The following SEMA6A variants were observed in gnomAD, a reference collection of about 807,000 sequenced individuals.
SEMA6A encodes the protein semaphorin 6A.
Under a neutral mutation model 96.8 loss-of-function variants are expected in SEMA6A, and 25 were observed. That is an observed-to-expected ratio of 0.26 (90% CI 0.19 to 0.36). The LOEUF (loss-of-function observed/expected upper bound fraction) is 0.36, where lower values mean the gene tolerates loss of function less well. Ranked by LOEUF, SEMA6A falls within the 10% of genes least tolerant of loss-of-function variation. The pLI is 1.00. For missense variants in SEMA6A, 1,363 were observed against 1,323.1 expected (o/e 1.03, Z -0.47); for synonymous variants, 612 against 518.0 (o/e 1.18, Z -2.46).
At chr5:116,495,738 TGTTTA>T in intron 5 of SEMA6A, 2 of 471,140 alleles carry the variant, frequency 4.2e-6, no homozygotes, top group Non-Finnish European at 7.5e-6. Flanking sequence ...GAAGATTGTG[TGTTTA>T]TTTTATGTCA....
At chr5:116,487,671 C>A (rs1204656048) in intron 9 of SEMA6A, among the ~76,000 whole-genome samples, 2 of 151,996 alleles carry the variant, frequency 1.3e-5, no homozygotes, top group Non-Finnish European at 2.9e-5. Flanking sequence ...TCGAGACCAC[C>A]CTGCCAACAT....
chr5:116,478,085 C>G lies in SEMA6A; in HGVS notation c.1497G>C (p.Leu499=), dbSNP rs771745119. 6.2e-7 allele frequency: 1 copy of G among 1,613,984 alleles called. No homozygotes were observed. Among genetic ancestry groups the G allele is most frequent in the Non-Finnish European group, 8.5e-7 (1 of 1,179,872 alleles). ...GMQLDRASSS[L]YVAFSTCVIK... Reference sequence around the variant, plus strand: ...TCACACAGGTAGAGAACGCAACATACAGAGAGCTGCTTGCTCTGTCCAGCT... The same window carrying G: ...TCACACAGGTAGAGAACGCAACATAGAGAGAGCTGCTTGCTCTGTCCAGCT... The change falls in exon 14 of 19, where the codon CTG becomes CTC. Residue 499 remains leucine (L), a synonymous_variant. Transcript: ENST00000343348.
chr5:116,478,163 A>G lies in SEMA6A; in HGVS notation c.1428-9T>C, dbSNP rs1756559677. 6.2e-7 allele frequency: 1 copy of G among 1,613,426 alleles called. No homozygotes were observed. The highest frequency in any genetic ancestry group is 1.3e-5 in the African/African-American group (1 of 75,002). ...CTCCATCATAGCTGCATCTAATTTC[A>G]TCAGGCAAGATAATATCATTAATAG... On this transcript the variant is annotated splice_polypyrimidine_tract_variant and intron_variant, in intron 13 of 18. Transcript: ENST00000343348.
intron 1 of SEMA6A, among the ~76,000 whole-genome samples, chr5:116,522,439 C>T (rs1196884126): frequency 2.0e-5 from 3 of 152,154 alleles, no homozygotes; most frequent in Admixed American, 6.5e-5. Context: ...ATACAGGATG[C>T]GGGTGAGGGA....
chr5:116,529,971 T>G (rs1409016713), intron 1 of SEMA6A, among the ~76,000 whole-genome samples: 2 of 152,230 alleles, frequency 1.3e-5, no homozygotes, highest in East Asian at 3.9e-4. Flanking sequence ...CAAGCCTGCA[T>G]GTATACCCTC....
chr5:116,472,109 C>CTT (rs1307674480), intron 17 of SEMA6A, among the ~76,000 whole-genome samples: 1 of 152,064 alleles, frequency 6.6e-6, no homozygotes, highest in African/African-American at 2.4e-5. Context: ...TCATATCATA[C>CTT]TTTAAAAAAA....
At chr5:116,550,260 T>C (rs1052401272) in intron 1 of SEMA6A, 8 of 152,190 alleles carry the variant, frequency 5.3e-5, no homozygotes, top group African/African-American at 1.9e-4. Flanking sequence ...TACTGAAGGT[T>C]AGTCACAAAT....
intron 10 of SEMA6A, among the ~76,000 whole-genome samples, chr5:116,484,132 T>C (rs1317883112): frequency 1.3e-5 from 2 of 152,080 alleles, no homozygotes; most frequent in Admixed American, 6.6e-5. Context: ...CTTTGCATTA[T>C]TTATTTGATT....
chr5:116,475,957 A>G (rs1756424876), intron 15 of SEMA6A, among the ~76,000 whole-genome samples: 1 of 152,228 alleles, frequency 6.6e-6, no homozygotes, highest in Non-Finnish European at 1.5e-5. Context: ...ATGGAAGTCT[A>G]TAAATTAAAA....
chr5:116,533,511 G>A (rs1288701921), intron 1 of SEMA6A, among the ~76,000 whole-genome samples: 2 of 152,168 alleles, frequency 1.3e-5, no homozygotes, highest in African/African-American at 2.4e-5. Context: ...TATTTAGAAA[G>A]CCCTTTTTAT....
Position 116,447,783 on chromosome 5 carries a change from G to C in SEMA6A, c.1923C>G (p.Gly641=), listed in dbSNP as rs1171551444. Residue 641 remains glycine, a synonymous_variant, in exon 19 of 19, where the codon GGC becomes GGG. Transcript: ENST00000343348. ...GGGTGACGGGAACCAGCTGGTCGTG[G>C]CCTTTGAGGTAACTTTCCCGAATCA... is the stretch of plus-strand genomic sequence containing the variant. ...KGVIRESYLK[G]HDQLVPVTLL... 1.2e-6 allele frequency: 2 copies of C among 1,602,904 alleles called. No individual in the cohort carries two copies. The highest frequency in any genetic ancestry group is 1.7e-6 in the Non-Finnish European group (2 of 1,171,426).
At chr5:116,551,603 T>C (rs1360235798) in intron 1 of SEMA6A, among the ~76,000 whole-genome samples, 1 of 152,154 alleles carries the variant, frequency 6.6e-6, no homozygotes, top group Non-Finnish European at 1.5e-5. Flanking sequence ...GTCACACAGC[T>C]AGAGAGTGAT....
intron 1 of SEMA6A, among the ~76,000 whole-genome samples, chr5:116,534,595 A>G (rs956044550): frequency 6.6e-5 from 10 of 152,162 alleles, no homozygotes; most frequent in Admixed American, 1.3e-4. Context: ...ATCATCATCT[A>G]TGTGGGTTCC....
At chr5:116,562,916 C>A in intron 1 of SEMA6A, 1 of 592,922 alleles carries the variant, frequency 1.7e-6, no homozygotes, top group South Asian at 1.6e-5. Flanking sequence ...CGAGCCCTTG[C>A]CCCCTCGGGT....
intron 1 of SEMA6A, chr5:116,508,057 A>G (rs186410800): frequency 3.6e-4 from 55 of 152,134 alleles, no homozygotes; most frequent in Middle Eastern, 3.4e-3. Context: ...TTTAAGCCCA[A>G]ATTGGATCAC....
intron 1 of SEMA6A, among the ~76,000 whole-genome samples, chr5:116,567,063 T>G (rs1447062574): frequency 6.6e-6 from 1 of 152,232 alleles, no homozygotes; most frequent in Admixed American, 6.5e-5. Context: ...CATTTTATTA[T>G]TAAAATGTTA....
chr5:116,470,198 T>TA (rs1005916264), intron 17 of SEMA6A, among the ~76,000 whole-genome samples: 13 of 151,418 alleles, frequency 8.6e-5, no homozygotes, highest in East Asian at 1.9e-4. Context: ...TCTCCAAGCT[T>TA]AAAAAAAAAT....
chr5:116,465,064 G>A (rs866706314), intron 18 of SEMA6A, among the ~76,000 whole-genome samples: 13 of 152,180 alleles, frequency 8.5e-5, no homozygotes, highest in Middle Eastern at 3.4e-3. Context: ...TGAGACAATC[G>A]ACCCAGTAGA....
At chr5:116,455,041 C>T (rs1754920189) in intron 18 of SEMA6A, among the ~76,000 whole-genome samples, 1 of 152,190 alleles carries the variant, frequency 6.6e-6, no homozygotes, top group Non-Finnish European at 1.5e-5. Context: ...CCCACTTCCA[C>T]TTCGATCACC....
Sources: gnomAD v4.1 joint callset for allele counts (sites outside exome capture counted in the v4.1 genomes callset) on GRCh38, gnomAD v4.1.1 for gene constraint, MANE v1.5 for transcripts, NCBI Gene and HGNC (gene_info 2026-07-23, HGNC 2026-07-21) for gene names.